The following CLTCL1 variants were observed in gnomAD, a reference collection of about 807,000 sequenced individuals.
CLTCL1 encodes clathrin heavy chain 2.
CLTCL1 carries 159 observed loss-of-function variants against 190.0 expected under a neutral mutation model. That is an observed-to-expected ratio of 0.84 (90% CI 0.74 to 0.95). The LOEUF (loss-of-function observed/expected upper bound fraction) is 0.95. Among genes scored for constraint, CLTCL1 ranks in the 40% least tolerant of loss-of-function variants. The pLI, the probability that CLTCL1 is intolerant of heterozygous loss-of-function variation, is 0.00. For missense variants in CLTCL1, 1,878 were observed against 2,033.4 expected, an observed-to-expected ratio of 0.92 and a Z score of 1.47; for synonymous variants, 752 against 769.6, an observed-to-expected ratio of 0.98 and a Z score of 0.38.
Position 19,242,943 on chromosome 22 carries a change from A to C in CLTCL1, c.520-7T>G, listed in dbSNP as rs2086301518. 8 of 1,611,910 alleles carry C rather than the reference A, an allele frequency of 5.0e-6. No homozygotes were observed. Among genetic ancestry groups the C allele is most frequent in the Non-Finnish European group, 6.8e-6 (8 of 1,178,558 alleles). On this transcript the variant is annotated splice_region_variant and splice_polypyrimidine_tract_variant and intron_variant, in intron 3 of 32. Coordinates refer to ENST00000427926, the MANE Select transcript of CLTCL1 (RefSeq NM_007098.4). ...CTCCAACCACACGGTTTTGCTAAGA[A>C]AAGATATTATGCAATGAAAGGGAGA...
At chr22:19,240,319 T>A (rs2086214028) in intron 4 of CLTCL1, among the ~76,000 whole-genome samples, 1 of 151,692 alleles carries the variant, frequency 6.6e-6, no homozygotes, top group African/African-American at 2.4e-5. Context: ...CACAACAAAA[T>A]CCAAAATGAA....
At chr22:19,282,456 G>A (rs2087751679) in intron 1 of CLTCL1, among the ~76,000 whole-genome samples, 1 of 151,810 alleles carries the variant, frequency 6.6e-6, no homozygotes. Flanking sequence ...TGGCCAACAT[G>A]GTGAAACCCC....
In CLTCL1 at chr22:19,268,454, G is replaced by A. The variant is rs118051192; in HGVS notation, c.250+7169C>T. On this transcript the variant is annotated intron_variant, in intron 2 of 32. Coordinates refer to ENST00000427926, the MANE Select transcript of CLTCL1 (RefSeq NM_007098.4). ...GAAAATATATGTAAATCACATAGCTGATAAACTATGTATATCCAGAATATA... is the reference window on the plus strand; with the variant it reads ...GAAAATATATGTAAATCACATAGCTAATAAACTATGTATATCCAGAATATA... Among the ~76,000 whole-genome samples the A allele has an allele frequency of 9.4e-3, 1,434 of 152,190 alleles. 35 individuals carry two copies. Among genetic ancestry groups the A allele is most frequent in the East Asian group, 0.068 (354 of 5,182 alleles).
chr22:19,214,872 G>T (rs554484662), intron 19 of CLTCL1, among the ~76,000 whole-genome samples: 104 of 152,186 alleles, frequency 6.8e-4, no homozygotes, highest in African/African-American at 2.5e-3. Flanking sequence ...TAGAGACAGG[G>T]TTTCACCCAT....
intron 29 of CLTCL1, among the ~76,000 whole-genome samples, chr22:19,185,892 A>G (rs1223470536): frequency 2.6e-5 from 4 of 152,234 alleles, no homozygotes; most frequent in African/African-American, 9.6e-5. Context: ...CCCAGCAGCC[A>G]GGTCCAGAGA....
intron 14 of CLTCL1, 36 bp downstream of exon 14, chr22:19,223,855 G>C (rs782468628): frequency 1.2e-6 from 2 of 1,610,854 alleles, no homozygotes; most frequent in Non-Finnish European, 1.7e-6. Flanking sequence ...CCATCAGCAA[G>C]GGCAGCTCAT....
At chr22:19,195,306 C>T (rs568671582) in intron 26 of CLTCL1, among the ~76,000 whole-genome samples, 106 of 152,278 alleles carry the variant, frequency 7.0e-4, no homozygotes, top group Admixed American at 7.2e-4. Context: ...CCCACTTTCA[C>T]GTACCACCAT....
intron 3 of CLTCL1, among the ~76,000 whole-genome samples, chr22:19,247,134 A>C (rs2086443377): frequency 6.6e-6 from 1 of 152,168 alleles, no homozygotes; most frequent in African/African-American, 2.4e-5. Context: ...TTTACCTTCT[A>C]CATTGAGGTT....
In CLTCL1 at chr22:19,275,846, G is replaced by A; in HGVS notation, c.43-16C>T. 6.4e-7 allele frequency: 1 copy of A among 1,567,870 alleles called. No individual in the cohort carries two copies. Among genetic ancestry groups the A allele is most frequent in the Admixed American group, 1.9e-5 (1 of 52,646 alleles). On this transcript the variant is annotated splice_polypyrimidine_tract_variant and intron_variant, in intron 1 of 32. Coordinates refer to ENST00000427926, the MANE Select transcript of CLTCL1 (RefSeq NM_007098.4). ...GGTTTTGGAGCTAAACAGAAAAAAA[G>A]CATTTGATTAAATTTTTTTCCTCTG...
At chr22:19,188,493 T>C (rs542933448) in intron 27 of CLTCL1, among the ~76,000 whole-genome samples, 113 of 152,348 alleles carry the variant, frequency 7.4e-4, no homozygotes, top group African/African-American at 2.6e-3. Context: ...CTAACAATCA[T>C]CTGAGCCTTC....
At chr22:19,185,184 C>T (rs2084271492) in intron 29 of CLTCL1, among the ~76,000 whole-genome samples, 1 of 152,232 alleles carries the variant, frequency 6.6e-6, no homozygotes, top group African/African-American at 2.4e-5. Flanking sequence ...CGCCTGTGCA[C>T]TGGGGCTTGT....
chr22:19,209,864 G>A (rs1014162415), intron 20 of CLTCL1, among the ~76,000 whole-genome samples: 1 of 152,168 alleles, frequency 6.6e-6, no homozygotes, highest in Non-Finnish European at 1.5e-5. Context: ...GGGGCAGGCA[G>A]GGAGGGCTGG....
In CLTCL1 at chr22:19,183,378, C is replaced by T. The variant is rs782752175; in HGVS notation, c.4827+12G>A. On this transcript the variant is annotated intron_variant, in intron 30 of 32. Coordinates refer to ENST00000427926, the MANE Select transcript of CLTCL1 (RefSeq NM_007098.4). The stretch of plus-strand genomic sequence containing the variant: ...ACAGGGGCCGGGGAGCTGCAGCCGG[C>T]CCGGCACCTACCTTGCTCAGGTACT... 5 of 1,610,534 alleles carry T rather than the reference C, an allele frequency of 3.1e-6. No homozygotes were observed. Among genetic ancestry groups the T allele is most frequent in the Non-Finnish European group, 4.2e-6 (5 of 1,178,204 alleles).
chr22:19,209,908 G>A (rs2085164455), intron 20 of CLTCL1, among the ~76,000 whole-genome samples: 1 of 152,174 alleles, frequency 6.6e-6, no homozygotes, highest in Non-Finnish European at 1.5e-5. Context: ...CTTGGATCCT[G>A]AAAAGCTCCT....
At position 19,264,882 on chromosome 22, in the gene CLTCL1, G is replaced by A. The variant is rs1490423127; in HGVS notation, c.251-10655C>T. On this transcript the variant is annotated intron_variant, in intron 2 of 32. Coordinates refer to ENST00000427926, the MANE Select transcript of CLTCL1 (RefSeq NM_007098.4). The stretch of plus-strand genomic sequence containing the variant: ...AGGTTCATTGCAACCTCCGCCTCCC[G>A]GATTCAAGTGATTGTCCTCCTTCAG... 5.9e-5 allele frequency among the ~76,000 whole-genome samples: 9 copies of A among 151,866 alleles called. No homozygotes were observed. The East Asian group carries it at 7.7e-4, about 13-fold the overall frequency.
At chr22:19,243,352 C>T (rs1233352431) in intron 3 of CLTCL1, among the ~76,000 whole-genome samples, 1 of 152,102 alleles carries the variant, frequency 6.6e-6, no homozygotes, top group Admixed American at 6.6e-5. Context: ...ACCAATAAGG[C>T]CAGCACAGTG....
chr22:19,255,596 GCAAA>G (rs1258906150), intron 2 of CLTCL1, among the ~76,000 whole-genome samples: 1 of 151,536 alleles, frequency 6.6e-6, no homozygotes, highest in African/African-American at 2.4e-5. Flanking sequence ...GATACTAGCA[GCAAA>G]CAATTTGGAA....
rs1335940797 is a variant in CLTCL1, at chr22:19,183,464, G to A, written c.4753C>T (p.Leu1585=). 3.1e-6 allele frequency: 5 copies of A among 1,613,650 alleles called. No individual in the cohort carries two copies. The highest frequency in any genetic ancestry group is 2.2e-5 in the East Asian group (1 of 44,894). ...DLLRPDMVLE[L]AWRHNLVDLA... ...TCCACGAGGTTGTGCCTCCAGGCCA[G>A]CTCAAGCACCATGTCTGGGCGAAGC... Residue 1585 remains leucine (L), a synonymous_variant, in exon 30 of 33, where the codon CTG becomes TTG. Transcript: ENST00000427926.
At chr22:19,245,771 C>G (rs575671358) in intron 3 of CLTCL1, among the ~76,000 whole-genome samples, 3 of 152,178 alleles carry the variant, frequency 2.0e-5, no homozygotes, top group South Asian at 4.2e-4. Flanking sequence ...AAATATGAGG[C>G]CTTTTGTGCC....
Sources: allele counts gnomAD v4.1 joint callset (sites outside exome capture counted in the v4.1 genomes callset), GRCh38; gene constraint gnomAD v4.1.1; transcripts MANE v1.5; gene names NCBI Gene and HGNC (gene_info 2026-07-23, HGNC 2026-07-21).